Variants in CFAP47 observed in about 807,000 individuals in gnomAD.
CFAP47 encodes the protein cilia and flagella associated protein 47, also known as cilia- and flagella-associated protein 47.
CFAP47 carries 29 observed loss-of-function variants against 148.1 expected under a neutral mutation model. That is an observed-to-expected ratio of 0.20 (90% CI 0.15 to 0.27). The LOEUF (loss-of-function observed/expected upper bound fraction) is 0.27. Ranked by LOEUF, CFAP47 falls within the 10% of genes least tolerant of loss-of-function variation. The pLI is 1.00. For synonymous variants in CFAP47, 664 were observed against 577.3 expected (o/e 1.15, Z -2.15); for missense variants, 1,872 against 1,697.5 (o/e 1.10, Z -1.81).
At chrX:36,320,889 CTG>C (rs1556011896) in intron 57 of CFAP47, among the ~76,000 whole-genome samples, 6 of 112,054 alleles carry the variant, frequency 5.4e-5, no homozygotes, top group Non-Finnish European at 1.9e-5. Flanking sequence ...AACTTTGTAA[CTG>C]TCATTCTTTT....
chrX:36,078,717 A>G (rs1345260739), intron 29 of CFAP47, among the ~76,000 whole-genome samples: 1 of 110,704 alleles, frequency 9.0e-6, no homozygotes, highest in Non-Finnish European at 1.9e-5. Context: ...TAAGGTTAAT[A>G]TTGTTATGTG....
intron 45 of CFAP47, among the ~76,000 whole-genome samples, chrX:36,206,189 G>A (rs1940036591): frequency 8.9e-6 from 1 of 111,897 alleles, no homozygotes; most frequent in Admixed American, 9.5e-5. Flanking sequence ...AAACAACTAC[G>A]GAGGGATATT....
In CFAP47 at chrX:35,970,952, A is replaced by C; in HGVS notation, c.1970+29A>C. The C allele has an allele frequency of 4.3e-6, 5 of 1,159,262 alleles. No individual in the cohort carries two copies. In the South Asian group the frequency reaches 7.9e-5, roughly 18 times the overall value. ...ATGTTCAGTTCCTCAAAAAATATGC[A>C]ACAGATCATGGTGTCTACAGAGTCA... is the stretch of plus-strand genomic sequence containing the variant. On this transcript the variant is annotated intron_variant, in intron 11 of 63. Coordinates refer to ENST00000378653, the MANE Select transcript of CFAP47 (RefSeq NM_001304548.2).
At chrX:36,322,672 A>C (rs1269120090) in intron 57 of CFAP47, among the ~76,000 whole-genome samples, 1 of 110,999 alleles carries the variant, frequency 9.0e-6, no homozygotes, top group Admixed American at 9.7e-5. Flanking sequence ...TCTTATTGTC[A>C]TAAAATATTT....
intron 10 of CFAP47, among the ~76,000 whole-genome samples, chrX:35,968,266 C>A (rs749207518): frequency 2.5e-4 from 28 of 110,091 alleles, no homozygotes; most frequent in African/African-American, 8.2e-4. Flanking sequence ...CATCATCATC[C>A]TCCTCATCAT....
intron 57 of CFAP47, among the ~76,000 whole-genome samples, chrX:36,341,145 C>A (rs782469614): frequency 3.7e-5 from 4 of 107,649 alleles, no homozygotes; most frequent in African/African-American, 1.4e-4. Flanking sequence ...AAGCGATTCT[C>A]CTGCCTCAGC....
chrX:35,991,867 G>A lies in CFAP47; in HGVS notation c.2891G>A (p.Ser964Asn). 3.4e-6 allele frequency: 1 copy of A among 296,435 alleles called. No homozygotes were observed. The highest frequency in any genetic ancestry group is 4.8e-5 in the East Asian group (1 of 20,950). The allele number at this position is 296,435 out of a possible 1,213,427, so 24.4% of individuals were successfully genotyped here. A position where few individuals can be genotyped will look rare whatever the true frequency, so the allele number is the denominator to read the frequency against. ...CTTTTGCAGCCAAGGATACTCTTTAGTAATTGCCCTCAAGGTTTAACAACT... is the reference window on the plus strand; with the variant it reads ...CTTTTGCAGCCAAGGATACTCTTTAATAATTGCCCTCAAGGTTTAACAACT... The part of the protein sequence containing the change: ...VLLLQPRILF[S>N]NCPQGLTTWR... The change falls in exon 17 of 64, where the codon AGT (serine) becomes AAT (asparagine). Residue 964 changes from serine (S) to asparagine (N), a missense_variant. Ser to Asn is a conservative substitution (Grantham distance 46, BLOSUM62 1). Coordinates refer to ENST00000378653, the MANE Select transcript of CFAP47 (RefSeq NM_001304548.2).
chrX:36,346,243 A>T (rs1237664400), intron 57 of CFAP47, among the ~76,000 whole-genome samples: 1 of 110,365 alleles, frequency 9.1e-6, no homozygotes, highest in Non-Finnish European at 1.9e-5. Flanking sequence ...TTTTAAATAC[A>T]TTCTCATGAC....
At chrX:36,285,858 A>G (rs1484317911) in intron 51 of CFAP47, 132 bp downstream of exon 51, 43 of 467,095 alleles carry the variant, frequency 9.2e-5, no homozygotes, top group Non-Finnish European at 1.3e-4. Flanking sequence ...TTAGTCAATC[A>G]TAGCAATTTT....
At chrX:36,295,792 T>C (rs1556006611) in intron 51 of CFAP47, among the ~76,000 whole-genome samples, 1 of 112,141 alleles carries the variant, frequency 8.9e-6, no homozygotes, top group Non-Finnish European at 1.9e-5. Context: ...GATTTTTTTC[T>C]GTTTAAACCT....
intron 48 of CFAP47, among the ~76,000 whole-genome samples, chrX:36,240,360 A>G (rs1940526858): frequency 9.0e-6 from 1 of 111,689 alleles, no homozygotes. Flanking sequence ...TATGCAATGA[A>G]CTAAAAGAAA....
intron 57 of CFAP47, among the ~76,000 whole-genome samples, chrX:36,345,440 G>A (rs957899501): frequency 2.7e-5 from 3 of 110,825 alleles, no homozygotes; most frequent in African/African-American, 9.9e-5. Context: ...TTCACAACAG[G>A]TCTCGCTTAT....
intron 3 of CFAP47, among the ~76,000 whole-genome samples, chrX:35,943,849 A>T (rs1936047312): frequency 9.0e-6 from 1 of 111,032 alleles, no homozygotes; most frequent in Admixed American, 9.6e-5. Flanking sequence ...TGGTAGGTGT[A>T]TATATTTATG....
At chrX:36,263,578 A>G (rs1314081746) in intron 49 of CFAP47, among the ~76,000 whole-genome samples, 2 of 112,087 alleles carry the variant, frequency 1.8e-5, no homozygotes, top group African/African-American at 6.5e-5. Flanking sequence ...ACTGCAGGCC[A>G]TGAGGAATAC....
At chrX:36,343,413 C>T (rs181594843) in intron 57 of CFAP47, among the ~76,000 whole-genome samples, 66 of 111,590 alleles carry the variant, frequency 5.9e-4, no homozygotes, top group African/African-American at 2.1e-3. Context: ...GAATGGCGAT[C>T]ATTAAAAAGT....
intron 30 of CFAP47, among the ~76,000 whole-genome samples, chrX:36,096,560 C>G (rs1938280827): frequency 9.0e-6 from 1 of 110,945 alleles, no homozygotes; most frequent in African/African-American, 3.3e-5. Flanking sequence ...TTGTTATATC[C>G]TCTTGCTTAA....
chrX:36,302,265 C>T (rs1481631882), intron 53 of CFAP47, among the ~76,000 whole-genome samples: 1 of 110,620 alleles, frequency 9.0e-6, no homozygotes, highest in Non-Finnish European at 1.9e-5. Context: ...TCATGATTTA[C>T]AGAGACTTGT....
intron 42 of CFAP47, among the ~76,000 whole-genome samples, chrX:36,195,327 C>A (rs1939908416): frequency 1.8e-5 from 2 of 111,911 alleles, no homozygotes; most frequent in Non-Finnish European, 3.8e-5. Context: ...ATGAACACAG[C>A]AAAACAGCTA....
At chrX:36,122,156 G>A (rs1174599489) in intron 33 of CFAP47, among the ~76,000 whole-genome samples, 1 of 111,098 alleles carries the variant, frequency 9.0e-6, no homozygotes. Flanking sequence ...CTGCTGAAAA[G>A]TCCACTGCCT....
Sources: gnomAD v4.1 joint callset for allele counts (sites outside exome capture counted in the v4.1 genomes callset) on GRCh38, gnomAD v4.1.1 for gene constraint, MANE v1.5 for transcripts, NCBI Gene and HGNC (gene_info 2026-07-23, HGNC 2026-07-21) for gene names.